The following KCNC1 variants were observed in gnomAD, a reference collection of about 807,000 sequenced individuals.
KCNC1 encodes the protein potassium voltage-gated channel subfamily C member 1, also known as voltage-gated potassium channel KCNC1.
KCNC1 carries 8 observed loss-of-function variants against 43.4 expected under a neutral mutation model. The observed-to-expected ratio is 0.18, with a 90% confidence interval of 0.11 to 0.33. The LOEUF is 0.33. Among genes scored for constraint, KCNC1 ranks in the 10% least tolerant of loss-of-function variants. KCNC1 has a pLI of 1.00. For synonymous variants in KCNC1, 361 were observed against 360.5 expected, an observed-to-expected ratio of 1.00 and a Z score of -0.01; for missense variants, 420 against 836.0, an observed-to-expected ratio of 0.50 and a Z score of 6.14.
At chr11:17,761,516 A>G (rs1277131118) in intron 1 of KCNC1, among the ~76,000 whole-genome samples, 2 of 152,164 alleles carry the variant, frequency 1.3e-5, no homozygotes, top group Admixed American at 6.5e-5. Context: ...ATGTTGTCTT[A>G]CTTCCTGGAG....
chr11:17,773,281 T>C lies in KCNC1; in HGVS notation c.1504+683T>C, dbSNP rs1341170849. 1 of 985,178 alleles carries C rather than the reference T, an allele frequency of 1.0e-6. No individual in the cohort carries two copies. The highest frequency in any genetic ancestry group is 1.2e-6 in the Non-Finnish European group (1 of 829,914). The allele number at this position is 985,178 out of a possible 1,614,324, so 61.0% of individuals were successfully genotyped here. On this transcript the variant is annotated intron_variant, in intron 2 of 3. Transcript: ENST00000265969. This position sits in a 1 kb window ranked among gnomAD's most constrained non-coding sequence, Gnocchi z 4.1. ...CTCATCTTCTACCACCACTCTAGAG[T>C]TTAGCCTTTATCTTTAGGAACCTGT...
At chr11:17,745,664 C>T (rs1335947505) in intron 1 of KCNC1, among the ~76,000 whole-genome samples, 1 of 152,218 alleles carries the variant, frequency 6.6e-6, no homozygotes. Flanking sequence ...GTCTGCTTCT[C>T]TCTCCCTCCC....
intron 1 of KCNC1, among the ~76,000 whole-genome samples, chr11:17,751,181 G>A (rs764677711): frequency 2.6e-5 from 4 of 152,222 alleles, no homozygotes; most frequent in Non-Finnish European, 2.9e-5. Flanking sequence ...AATAAATCAA[G>A]AAGGTCAGCT....
intron 2 of KCNC1, chr11:17,775,354 G>A (rs150119408): frequency 0.017 from 17,210 of 984,714 alleles, 215 homozygotes; most frequent in South Asian, 0.03. Flanking sequence ...TCTTGGTCTC[G>A]TCTGAAGCCT....
In KCNC1 at chr11:17,736,711, C is replaced by T; in HGVS notation, c.570+139C>T. 7.2e-7 allele frequency: 1 copy of T among 1,381,810 alleles called. No individual in the cohort carries two copies. Among genetic ancestry groups the T allele is most frequent in the South Asian group, 1.5e-5 (1 of 64,618 alleles). 85.6% of individuals were successfully genotyped at this position (1,381,810 alleles called of 1,614,324 possible). A position where few individuals can be genotyped will look rare whatever the true frequency, so the allele number is the denominator to read the frequency against. ...GGGTGTGTGCGCATGTGTGCACGTA[C>T]CAGGGTAAGAGAGGAAGGGTGTCCG... On this transcript the variant is annotated intron_variant, in intron 1 of 3. Transcript: ENST00000265969. This position sits in a 1 kb window ranked among gnomAD's most constrained non-coding sequence, Gnocchi z 9.3.
At position 17,781,933 on chromosome 11, in the gene KCNC1, T is replaced by C; in HGVS notation, c.*199T>C. The C allele has an allele frequency of 2.2e-6, 1 of 463,914 alleles. No homozygotes were observed. The highest frequency in any genetic ancestry group is 3.8e-6 in the Non-Finnish European group (1 of 263,848). 28.7% of individuals were successfully genotyped at this position (463,914 alleles called of 1,614,324 possible). On this transcript the variant is annotated 3_prime_UTR_variant, in exon 4 of 4. Coordinates refer to ENST00000265969, the MANE Select transcript of KCNC1 (RefSeq NM_001112741.2). The surrounding 1 kb of genome is among the most constrained non-coding windows in gnomAD (Gnocchi z 5.1). ...GACCGTAGAGGATTTCTTTTCCTTC[T>C]TTTCATTTTTTAAAATTTTATTTTA...
At chr11:17,738,301 A>G (rs1848794123) in intron 1 of KCNC1, among the ~76,000 whole-genome samples, 1 of 150,298 alleles carries the variant, frequency 6.7e-6, no homozygotes, top group Non-Finnish European at 1.5e-5. Flanking sequence ...AGGGTTATGT[A>G]ACTGGAGGCT....
Position 17,741,977 on chromosome 11 carries a change from G to C in KCNC1, c.570+5405G>C, listed in dbSNP as rs548411640. On this transcript the variant is annotated intron_variant, in intron 1 of 3. Transcript: ENST00000265969. The stretch of plus-strand genomic sequence containing the variant: ...GCCCTTCCTGGGAGAGAAGCTCTCT[G>C]ATTTCTAATAAAATGTTCATTAGCA... Among the ~76,000 whole-genome samples the C allele has an allele frequency of 2.0e-5, 3 of 152,320 alleles. No individual in the cohort carries two copies. In the South Asian group the frequency reaches 6.2e-4, roughly 32 times the overall value.
At position 17,771,896 on chromosome 11, in the gene KCNC1, C is replaced by A; in HGVS notation, c.802C>A (p.Pro268Thr). ...FEFLMRVIFCPNKVEFIKNSL... is the reference protein window; with the variant it reads ...FEFLMRVIFCTNKVEFIKNSL... ...GTTCCTCATGCGTGTCATCTTCTGCCCCAACAAGGTAGAGTTCATCAAGAA... is the reference window on the plus strand; with the variant it reads ...GTTCCTCATGCGTGTCATCTTCTGCACCAACAAGGTAGAGTTCATCAAGAA... Residue 268 changes from proline to threonine, a missense_variant, in exon 2 of 4, where the codon CCC becomes ACC. Pro to Thr is a conservative substitution (Grantham distance 38, BLOSUM62 -1). Around this residue, in one of 5 missense-constraint regions of KCNC1, gnomAD observed 151 missense variants for 216.7 expected, o/e 0.70. Transcript: ENST00000265969. The surrounding 1 kb of genome is among the most constrained non-coding windows in gnomAD (Gnocchi z 4.7). 1 of 1,614,200 alleles carries A rather than the reference C, an allele frequency of 6.2e-7. No homozygotes were observed. The highest frequency in any genetic ancestry group is 8.5e-7 in the Non-Finnish European group (1 of 1,180,034).
intron 1 of KCNC1, among the ~76,000 whole-genome samples, chr11:17,770,167 C>T (rs570920170): frequency 7.9e-5 from 12 of 152,366 alleles, no homozygotes; most frequent in South Asian, 4.1e-4. Flanking sequence ...GCAAACAAGG[C>T]GGCCTCTAGG....
At chr11:17,746,774 G>T (rs112337442) in intron 1 of KCNC1, among the ~76,000 whole-genome samples, 140 of 152,206 alleles carry the variant, frequency 9.2e-4, no homozygotes, top group African/African-American at 3.2e-3. Context: ...ATGACCTGGA[G>T]CCCCTTTCTC....
At chr11:17,775,104 G>A in intron 2 of KCNC1, 1 of 985,628 alleles carries the variant, frequency 1.0e-6, no homozygotes, top group Non-Finnish European at 1.2e-6. Flanking sequence ...GGGCAAGGAA[G>A]GTAAATGTGG....
At chr11:17,745,424 T>C (rs2133782978) in intron 1 of KCNC1, among the ~76,000 whole-genome samples, 1 of 152,238 alleles carries the variant, frequency 6.6e-6, no homozygotes, top group South Asian at 2.1e-4. Context: ...GGAATCTGAG[T>C]GCATCGCACC....
chr11:17,763,195 C>A (rs750394287), intron 1 of KCNC1, among the ~76,000 whole-genome samples: 8 of 152,064 alleles, frequency 5.3e-5, no homozygotes, highest in Admixed American at 3.3e-4. Context: ...TGGCTCTCCC[C>A]CTTCTCAGAT....
intron 1 of KCNC1, chr11:17,765,679 C>A (rs762974439): frequency 6.6e-6 from 1 of 152,228 alleles, no homozygotes; most frequent in East Asian, 1.9e-4. Context: ...CATTGTCAGA[C>A]GATCTCGCCT....
Position 17,779,662 on chromosome 11 carries a change from G to A in KCNC1, c.1693+18G>A. Reference sequence around the variant, plus strand: ...GAGAAAGGGTATGTAGAGGAAGCTGGAGCACCGTGCATCGTCCGGGCCGCC... The same window carrying A: ...GAGAAAGGGTATGTAGAGGAAGCTGAAGCACCGTGCATCGTCCGGGCCGCC... On this transcript the variant is annotated intron_variant, in intron 3 of 3. Coordinates refer to ENST00000265969, the MANE Select transcript of KCNC1 (RefSeq NM_001112741.2). The surrounding 1 kb of genome is among the most constrained non-coding windows in gnomAD (Gnocchi z 7.2). 1.3e-6 allele frequency: 2 copies of A among 1,507,730 alleles called. No individual in the cohort carries two copies. Among genetic ancestry groups the A allele is most frequent in the Non-Finnish European group, 1.8e-6 (2 of 1,123,096 alleles). The allele number at this position is 1,507,730 out of a possible 1,614,324, so 93.4% of individuals were successfully genotyped here. A position where few individuals can be genotyped will look rare whatever the true frequency, so the allele number is the denominator to read the frequency against.
Position 17,748,972 on chromosome 11 carries a change from G to A in KCNC1, c.570+12400G>A, listed in dbSNP as rs189535654. On this transcript the variant is annotated intron_variant, in intron 1 of 3. Coordinates refer to ENST00000265969, the MANE Select transcript of KCNC1 (RefSeq NM_001112741.2). The stretch of plus-strand genomic sequence containing the variant: ...AGTTGGTGAGGGAGACAGAGGGTCG[G>A]GGGCCTTGCCGGGGAGAGATCATGT... Among the ~76,000 whole-genome samples, 4 of 152,282 alleles carry A rather than the reference G, an allele frequency of 2.6e-5. No homozygotes were observed. In the East Asian group the frequency reaches 7.8e-4, roughly 30 times the overall value.
Position 17,735,994 on chromosome 11 carries a change from G to A in KCNC1, c.-9G>A. ...CGCTGGGCCGCGCCATGCCTAAGGGGGCGCCGCGATGGGCCAAGGGGACGA... is the reference window on the plus strand; with the variant it reads ...CGCTGGGCCGCGCCATGCCTAAGGGAGCGCCGCGATGGGCCAAGGGGACGA... On this transcript the variant is annotated 5_prime_UTR_variant, in exon 1 of 4. Transcript: ENST00000265969. This position sits in a 1 kb window ranked among gnomAD's most constrained non-coding sequence, Gnocchi z 6.7. 6.9e-7 allele frequency: 1 copy of A among 1,449,110 alleles called. No homozygotes were observed. The highest frequency in any genetic ancestry group is 9.1e-7 in the Non-Finnish European group (1 of 1,104,576). The allele number at this position is 1,449,110 out of a possible 1,614,324, so 89.8% of individuals were successfully genotyped here.
At chr11:17,778,872 G>C (rs1849315816) in intron 2 of KCNC1, among the ~76,000 whole-genome samples, 1 of 149,548 alleles carries the variant, frequency 6.7e-6, no homozygotes, top group Admixed American at 6.6e-5. Flanking sequence ...GTGATTAGAT[G>C]GGGGGTGGGG....
Sources: allele counts gnomAD v4.1 joint callset (sites outside exome capture counted in the v4.1 genomes callset), GRCh38; gene constraint gnomAD v4.1.1; regional missense constraint gnomAD v4.1.1; non-coding constraint Gnocchi (gnomAD v3.1); transcripts MANE v1.5; gene names NCBI Gene and HGNC (gene_info 2026-07-23, HGNC 2026-07-21).